SYNC: variants seen among roughly 807,000 people sequenced by gnomAD.
The protein encoded by SYNC is syncoilin, intermediate filament protein.
Under a neutral mutation model 49.5 loss-of-function variants are expected in SYNC, and 38 were observed. That is an observed-to-expected ratio of 0.77 (90% confidence interval 0.59 to 1.01). The LOEUF is 1.01. SYNC is among the 50% of genes least tolerant of loss of function. The probability of loss-of-function intolerance (pLI) is 0.00; values close to 1 mark genes in which losing one functional copy is unlikely to be tolerated. For missense variants in SYNC, 579 were observed against 580.6 expected, an observed-to-expected ratio of 1.00 and a Z score of 0.03; for synonymous variants, 201 against 230.8, an observed-to-expected ratio of 0.87 and a Z score of 1.17.
intron 1 of SYNC, among the ~76,000 whole-genome samples, chr1:32,701,528 G>C (rs1281166607): frequency 1.3e-5 from 2 of 152,176 alleles, no homozygotes; most frequent in Non-Finnish European, 2.9e-5. Context: ...GGCAAAGCTG[G>C]AAGTAAAACC....
At position 32,697,342 on chromosome 1, in the gene SYNC, A is replaced by C. The variant is rs1238771726; in HGVS notation, c.54-1298T>G. ...TGTAATCCCAGATACTCACTGAGGC[A>C]GGAGAATCTCTTGAACTTCAAAGAG... On this transcript the variant is annotated intron_variant, in intron 1 of 4. Coordinates refer to ENST00000409190, the MANE Select transcript of SYNC (RefSeq NM_030786.3). Among the ~76,000 whole-genome samples, 12 of 151,860 alleles carry C rather than the reference A, an allele frequency of 7.9e-5. No individual in the cohort carries two copies. The East Asian group carries it at 2.1e-3, about 27-fold the overall frequency.
intron 2 of SYNC, among the ~76,000 whole-genome samples, chr1:32,690,746 T>C (rs1009936150): frequency 2.1e-5 from 3 of 141,630 alleles, no homozygotes; most frequent in South Asian, 2.2e-4. Flanking sequence ...AGGTCAGGAG[T>C]TCAAGACCAG....
intron 2 of SYNC, 95 bp downstream of exon 2, chr1:32,694,770 T>C (rs1055605395): frequency 7.9e-7 from 1 of 1,270,214 alleles, no homozygotes; most frequent in African/African-American, 1.5e-5. Context: ...TCTTCCTACA[T>C]GTGACACTAT....
upstream of SYNC, chr1:32,702,913 T>G (rs1467993352): frequency 5.9e-6 from 1 of 170,832 alleles, no homozygotes; most frequent in Non-Finnish European, 1.2e-5. This position sits in a 1 kb window ranked among gnomAD's most constrained non-coding sequence, Gnocchi z 6.2. Flanking sequence ...CCTGGAGCTG[T>G]CTTTCCAAAC....
intron 2 of SYNC, among the ~76,000 whole-genome samples, chr1:32,688,939 A>G (rs1245663755): frequency 7.0e-6 from 1 of 141,950 alleles, no homozygotes; most frequent in Non-Finnish European, 1.5e-5. Flanking sequence ...ACACACACAC[A>G]CTTTTTTTTT....
chr1:32,687,861 A>ATTATTTTTTTTTTTTTTT (rs1280120903), intron 2 of SYNC, among the ~76,000 whole-genome samples: 23 of 146,446 alleles, frequency 1.6e-4, no homozygotes, highest in African/African-American at 4.8e-4. Context: ...TATTATTATT[A>ATTATTTTTTTTTTTTTTT]TTTTTTGAGA....
upstream of SYNC, chr1:32,703,235 G>T (rs1296233121): frequency 6.6e-6 from 1 of 152,234 alleles, no homozygotes; most frequent in Non-Finnish European, 1.5e-5. Context: ...GCGCGGCCGG[G>T]GAGGAGGGTT....
chr1:32,699,605 A>G (rs1302950610), intron 1 of SYNC, among the ~76,000 whole-genome samples: 3 of 151,864 alleles, frequency 2.0e-5, no homozygotes, highest in African/African-American at 4.8e-5. Context: ...ACCTCAATCT[A>G]TTCTCTACAC....
chr1:32,682,370 A>G (rs551208092), intron 4 of SYNC: 1 of 152,720 alleles, frequency 6.5e-6, no homozygotes, highest in African/African-American at 2.4e-5. Flanking sequence ...CAGTGAGCCA[A>G]GATCGTGCCA....
chr1:32,690,885 A>C (rs962826698), intron 2 of SYNC, among the ~76,000 whole-genome samples: 10 of 151,952 alleles, frequency 6.6e-5, no homozygotes, highest in Non-Finnish European at 1.3e-4. Context: ...TCAGGAGTTC[A>C]AGACCATCCT....
chr1:32,686,855 C>A (rs1380100020), intron 2 of SYNC, among the ~76,000 whole-genome samples: 1 of 152,196 alleles, frequency 6.6e-6, no homozygotes, highest in African/African-American at 2.4e-5. Context: ...GCTTAGAGCT[C>A]ATACTCAAGG....
At chr1:32,692,157 G>A (rs983055904) in intron 2 of SYNC, among the ~76,000 whole-genome samples, 7 of 151,848 alleles carry the variant, frequency 4.6e-5, no homozygotes, top group African/African-American at 7.3e-5. Context: ...GCGCGAACCC[G>A]GGAGGCAGAG....
At chr1:32,690,634 ACTCCAT>A (rs1039267824) in intron 2 of SYNC, among the ~76,000 whole-genome samples, 4 of 148,322 alleles carry the variant, frequency 2.7e-5, no homozygotes, top group Admixed American at 6.8e-5. Flanking sequence ...ACAGAGCAAG[ACTCCAT>A]CTCCAAAGAA....
chr1:32,700,482 G>C (rs1194683359), intron 1 of SYNC, among the ~76,000 whole-genome samples: 1 of 152,162 alleles, frequency 6.6e-6, no homozygotes, highest in Non-Finnish European at 1.5e-5. Flanking sequence ...GATCACCTGA[G>C]GTCAGGAGTT....
intron 1 of SYNC, among the ~76,000 whole-genome samples, chr1:32,698,387 C>T (rs372480773): frequency 6.6e-6 from 1 of 151,380 alleles, no homozygotes; most frequent in Non-Finnish European, 1.5e-5. Context: ...GGCGTGGTGG[C>T]GGGCACCTGT....
chr1:32,691,286 T>TC (rs1650151634), intron 2 of SYNC, among the ~76,000 whole-genome samples: 1 of 150,646 alleles, frequency 6.6e-6, no homozygotes, highest in Admixed American at 6.8e-5. Flanking sequence ...TCCCAGCTAC[T>TC]CGGGAGGCTG....
intron 4 of SYNC, chr1:32,683,725 C>A: frequency 3.1e-6 from 1 of 326,366 alleles, no homozygotes; most frequent in Non-Finnish European, 5.8e-6. Flanking sequence ...CCTCTGCCTC[C>A]TGGTTCAAGC....
At chr1:32,699,193 G>A (rs188909603) in intron 1 of SYNC, among the ~76,000 whole-genome samples, 491 of 125,010 alleles carry the variant, frequency 3.9e-3, no homozygotes, top group South Asian at 8.6e-3. Flanking sequence ...TCACTCTGTC[G>A]CCCAGGCTGG....
chr1:32,701,277 A>T (rs1650659352), intron 1 of SYNC, among the ~76,000 whole-genome samples: 1 of 152,010 alleles, frequency 6.6e-6, no homozygotes, highest in African/African-American at 2.4e-5. Flanking sequence ...CTCAAACTTC[A>T]TCTCTTCCGT....
Sources: allele counts gnomAD v4.1 joint callset (sites outside exome capture counted in the v4.1 genomes callset), GRCh38; gene constraint gnomAD v4.1.1; non-coding constraint Gnocchi (gnomAD v3.1); transcripts MANE v1.5; gene names NCBI Gene and HGNC (gene_info 2026-07-23, HGNC 2026-07-21).